MYH10: variants seen among roughly 807,000 people sequenced by gnomAD.
MYH10 encodes myosin-10.
A neutral mutation model predicts 257.8 loss-of-function variants in MYH10; 55 were observed. The ratio of observed to expected loss-of-function variants is 0.21; its 90% CI spans 0.17 to 0.27. The LOEUF is 0.27. Among genes scored for constraint, MYH10 ranks in the 10% least tolerant of loss-of-function variants. MYH10 has a pLI of 1.00. For missense variants in MYH10, 1,631 were observed against 2,500.6 expected (o/e 0.65, Z 7.42); for synonymous variants, 854 against 921.7 (o/e 0.93, Z 1.33).
intron 28 of MYH10, among the ~76,000 whole-genome samples, chr17:8,502,547 ATCTTC>A (rs1567808339): frequency 1.3e-5 from 2 of 151,848 alleles, no homozygotes; most frequent in Non-Finnish European, 2.9e-5. Context: ...GGAAACCTTC[ATCTTC>A]TCTTCTCCAG....
chr17:8,624,599 G>C (rs144638605), intron 1 of MYH10, among the ~76,000 whole-genome samples: 4 of 152,306 alleles, frequency 2.6e-5, no homozygotes, highest in African/African-American at 9.6e-5. Context: ...AGGTTGTTAA[G>C]AGGTTCTTGA....
intron 1 of MYH10, among the ~76,000 whole-genome samples, chr17:8,625,102 T>C: frequency 6.6e-6 from 1 of 151,838 alleles, no homozygotes; most frequent in Non-Finnish European, 1.5e-5. Flanking sequence ...TAACAAAAAA[T>C]TAGCCAGGCG....
chr17:8,607,656 G>T (rs2084862702), intron 2 of MYH10, among the ~76,000 whole-genome samples: 1 of 152,164 alleles, frequency 6.6e-6, no homozygotes, highest in Non-Finnish European at 1.5e-5. Context: ...ATGGTAGGAA[G>T]GCAATATGTT....
At chr17:8,548,876 G>A (rs1006262281) in intron 9 of MYH10, 89 bp from the exon 10 acceptor site, 2 of 1,121,112 alleles carry the variant, frequency 1.8e-6, no homozygotes, top group African/African-American at 3.1e-5. Flanking sequence ...CAGTGTCACA[G>A]GAGAGCAGTG....
rs771306226 is a variant in MYH10, at chr17:8,487,426, C to G, written c.5046+7G>C. ...CATCCAGAGACTCCATGGGTGAAGG[C>G]ACATACCTGGAGCTTGCGGAGCTGC... On this transcript the variant is annotated splice_region_variant and intron_variant, in intron 36 of 42. Coordinates refer to ENST00000360416, the MANE Select transcript of MYH10 (RefSeq NM_001256012.3). 2.5e-6 allele frequency: 4 copies of G among 1,613,980 alleles called. No individual in the cohort carries two copies. In the Admixed American group the frequency reaches 6.7e-5, roughly 27 times the overall value.
chr17:8,586,222 A>G (rs2152039703), intron 4 of MYH10, among the ~76,000 whole-genome samples: 1 of 152,288 alleles, frequency 6.6e-6, no homozygotes, highest in Middle Eastern at 3.4e-3. Context: ...TGTCAGGGAG[A>G]GGATATATGC....
chr17:8,524,473 A>G (rs2081770979), intron 17 of MYH10, among the ~76,000 whole-genome samples: 3 of 98,482 alleles, frequency 3.0e-5, no homozygotes, highest in African/African-American at 4.3e-5. Flanking sequence ...AAAAAAAAAA[A>G]AAAAAAAAAA....
intron 7 of MYH10, among the ~76,000 whole-genome samples, chr17:8,556,793 G>T (rs1340733409): frequency 5.3e-5 from 8 of 152,144 alleles, no homozygotes; most frequent in Non-Finnish European, 1.2e-4. Context: ...TCAAGGGAGA[G>T]ATCTTAGGAA....
At chr17:8,592,933 CTATA>C (rs71159601) in intron 3 of MYH10, among the ~76,000 whole-genome samples, 593 of 44,738 alleles carry the variant, frequency 0.013, 69 homozygotes, top group Admixed American at 0.021. Flanking sequence ...TCAAATCCAG[CTATA>C]TATATATATA....
intron 17 of MYH10, among the ~76,000 whole-genome samples, chr17:8,522,949 C>G (rs1489321462): frequency 2.6e-5 from 4 of 152,176 alleles, no homozygotes; most frequent in Non-Finnish European, 5.9e-5. Context: ...TCTCCTGTAC[C>G]CTACTTCCCC....
intron 3 of MYH10, among the ~76,000 whole-genome samples, chr17:8,590,649 C>CT (rs1373883916): frequency 2.6e-5 from 4 of 152,204 alleles, no homozygotes; most frequent in Admixed American, 2.0e-4. Flanking sequence ...TGGTGTTATT[C>CT]TTCCTTCTGG....
intron 17 of MYH10, 31 bp from the exon 18 acceptor site, chr17:8,521,316 A>G: frequency 6.2e-7 from 1 of 1,600,616 alleles, no homozygotes; most frequent in Middle Eastern, 1.7e-4. Context: ...AACAAATATA[A>G]GCCAAACCTC....
chr17:8,557,207 TAAA>T (rs1367673259), intron 7 of MYH10, among the ~76,000 whole-genome samples: 4 of 152,112 alleles, frequency 2.6e-5, no homozygotes, highest in Middle Eastern at 3.2e-3. Context: ...TAGTTGATTT[TAAA>T]AAAAGAAAAG....
At chr17:8,576,893 A>G (rs1042372168) in intron 5 of MYH10, among the ~76,000 whole-genome samples, 3 of 152,146 alleles carry the variant, frequency 2.0e-5, no homozygotes, top group Non-Finnish European at 2.9e-5. Context: ...ACTTCTTCCC[A>G]TATCTCTACC....
chr17:8,519,802 C>A (rs1292596319), intron 19 of MYH10, among the ~76,000 whole-genome samples: 1 of 151,970 alleles, frequency 6.6e-6, no homozygotes, highest in Non-Finnish European at 1.5e-5. Context: ...ACTTTCAAAT[C>A]TGATTTCCAG....
intron 21 of MYH10, among the ~76,000 whole-genome samples, chr17:8,517,229 C>T (rs970608772): frequency 6.6e-6 from 1 of 152,212 alleles, no homozygotes; most frequent in Non-Finnish European, 1.5e-5. Flanking sequence ...TATTTGTCTT[C>T]AACTTTCCAT....
At chr17:8,575,921 T>C (rs1237679111) in intron 6 of MYH10, among the ~76,000 whole-genome samples, 1 of 152,218 alleles carries the variant, frequency 6.6e-6, no homozygotes, top group Non-Finnish European at 1.5e-5. Context: ...AGGCATCTGA[T>C]AACTAGGAAG....
At chr17:8,626,589 A>ATAAT (rs67003647) in intron 1 of MYH10, among the ~76,000 whole-genome samples, 1 of 145,762 alleles carries the variant, frequency 6.9e-6, no homozygotes, top group Non-Finnish European at 1.5e-5. Flanking sequence ...AATAATAATA[A>ATAAT]TAATAATAAT....
At position 8,592,958 on chromosome 17, in the gene MYH10, T is replaced by TATATATATATATA. The variant is rs2084223186; in HGVS notation, c.503-3863_503-3851dup. Among the ~76,000 whole-genome samples, 4 of 118,116 alleles carry TATATATATATATA rather than the reference T, an allele frequency of 3.4e-5. No homozygotes were observed. In the Admixed American group the frequency reaches 3.5e-4, roughly 10 times the overall value. 77.5% of individuals were successfully genotyped at this position (118,116 alleles called of 152,430 possible). ...CTATATATATATATATATATATATA[T>TATATATATATATA]ATATATATATATAAAAGATGATGCA... On this transcript the variant is annotated intron_variant, in intron 3 of 42. Transcript: ENST00000360416.
Sources: gnomAD v4.1 joint callset for allele counts (sites outside exome capture counted in the v4.1 genomes callset) on GRCh38, gnomAD v4.1.1 for gene constraint, MANE v1.5 for transcripts, NCBI Gene and HGNC (gene_info 2026-07-23, HGNC 2026-07-21) for gene names.